The following TRPM6 variants were observed in gnomAD, a reference collection of about 807,000 sequenced individuals.
TRPM6 encodes the protein transient receptor potential cation channel subfamily M member 6.
TRPM6 carries 111 observed loss-of-function variants against 247.6 expected under a neutral mutation model. The ratio of observed to expected loss-of-function variants is 0.45; its 90% CI spans 0.38 to 0.52. The LOEUF (loss-of-function observed/expected upper bound fraction) is 0.52, where lower values mean the gene tolerates loss of function less well. TRPM6 is among the 20% of genes least tolerant of loss of function. The pLI, the probability that TRPM6 is intolerant of heterozygous loss-of-function variation, is 0.00. For synonymous variants in TRPM6, 892 were observed against 853.8 expected (o/e 1.04, Z -0.78); for missense variants, 2,126 against 2,421.5 (o/e 0.88, Z 2.56).
chr9:74,780,096 C>T (rs988381432), intron 23 of TRPM6, among the ~76,000 whole-genome samples: 7 of 151,196 alleles, frequency 4.6e-5, no homozygotes, highest in Non-Finnish European at 7.4e-5. Context: ...CACTTGAACC[C>T]GGGAGGCAAA....
chr9:74,766,318 C>T (rs536267069), intron 25 of TRPM6, among the ~76,000 whole-genome samples: 5 of 152,292 alleles, frequency 3.3e-5, no homozygotes, highest in African/African-American at 7.2e-5. Flanking sequence ...GGACCACCAA[C>T]GACATTAATT....
intron 3 of TRPM6, among the ~76,000 whole-genome samples, chr9:74,843,721 G>A (rs531847357): frequency 7.3e-5 from 11 of 151,598 alleles, no homozygotes; most frequent in Non-Finnish European, 1.6e-4. Context: ...AGGCTGAGAC[G>A]GGAAAATGGC....
intron 23 of TRPM6, among the ~76,000 whole-genome samples, chr9:74,777,586 T>C (rs1376951414): frequency 1.3e-5 from 2 of 152,208 alleles, no homozygotes; most frequent in African/African-American, 4.8e-5. Context: ...TCAATGTTTC[T>C]ACCACACTAT....
chr9:74,837,458 T>G (rs1012565088), intron 5 of TRPM6, among the ~76,000 whole-genome samples: 4 of 152,080 alleles, frequency 2.6e-5, no homozygotes, highest in Non-Finnish European at 5.9e-5. Flanking sequence ...GTTTTCTTTT[T>G]TTTTTTTGAG....
intron 3 of TRPM6, among the ~76,000 whole-genome samples, chr9:74,846,737 CAG>C (rs1261006231): frequency 1.3e-5 from 2 of 152,024 alleles, no homozygotes; most frequent in African/African-American, 4.8e-5. Flanking sequence ...TTAGTAGAGA[CAG>C]GGTTTCACCA....
At chr9:74,770,555 T>A (rs1186579071) in intron 25 of TRPM6, among the ~76,000 whole-genome samples, 1 of 152,088 alleles carries the variant, frequency 6.6e-6, no homozygotes. Context: ...TCCTCAAACT[T>A]CTGAATGTCC....
chr9:74,838,040 G>GT (rs563100895), intron 5 of TRPM6, among the ~76,000 whole-genome samples: 53 of 152,230 alleles, frequency 3.5e-4, no homozygotes, highest in African/African-American at 1.2e-3. Context: ...ATGAACCACT[G>GT]TATCTGGCCT....
In TRPM6 at chr9:74,724,328, G is replaced by T; in HGVS notation, c.*285C>A. 2.1e-6 allele frequency: 1 copy of T among 473,776 alleles called. No homozygotes were observed. Among genetic ancestry groups the T allele is most frequent in the Admixed American group, 3.3e-5 (1 of 29,976 alleles). 29.3% of individuals were successfully genotyped at this position (473,776 alleles called of 1,614,324 possible). A position where few individuals can be genotyped will look rare whatever the true frequency, so the allele number is the denominator to read the frequency against. ...TCTGCTCCAAAGTTCCAAGTGACCA[G>T]CTAAAGCAATGAGGTACACAAGAAC... On this transcript the variant is annotated 3_prime_UTR_variant, in exon 39 of 39. Coordinates refer to ENST00000360774, the MANE Select transcript of TRPM6 (RefSeq NM_017662.5).
At chr9:74,750,838 TG>T (rs1826220951) in intron 29 of TRPM6, 116 bp from the exon 30 acceptor site, 5 of 911,992 alleles carry the variant, frequency 5.5e-6, no homozygotes, top group Non-Finnish European at 9.1e-6. Context: ...TTCATCTACC[TG>T]AATATTCTTC....
chr9:74,810,216 G>C (rs1004446214), intron 13 of TRPM6, among the ~76,000 whole-genome samples: 15 of 152,136 alleles, frequency 9.9e-5, no homozygotes, highest in Admixed American at 5.2e-4. Context: ...AAAAGAAACT[G>C]AGGTATAAAA....
intron 35 of TRPM6, among the ~76,000 whole-genome samples, chr9:74,738,815 G>T (rs1188627063): frequency 6.6e-6 from 1 of 152,100 alleles, no homozygotes; most frequent in South Asian, 2.1e-4. Flanking sequence ...CCTTTGCTTT[G>T]AGGTAACTTT....
chr9:74,736,256 G>A (rs1825689511), intron 36 of TRPM6, among the ~76,000 whole-genome samples: 1 of 152,126 alleles, frequency 6.6e-6, no homozygotes, highest in Non-Finnish European at 1.5e-5. Context: ...TCCGTGTTAT[G>A]CAGCTAATTC....
rs367752379 is a variant in TRPM6, at chr9:74,800,656, C to T, written c.2010-174G>A. On this transcript the variant is annotated intron_variant, in intron 16 of 38. Coordinates refer to ENST00000360774, the MANE Select transcript of TRPM6 (RefSeq NM_017662.5). ...AAAAGCCAACAACACCAAACAGCAA[C>T]TTAATAATCTTAGTTTCCAGAAACT... Among the ~76,000 whole-genome samples the T allele has an allele frequency of 1.7e-4, 26 of 148,736 alleles. No homozygotes were observed. The East Asian group carries it at 4.5e-3, about 26-fold the overall frequency.
chr9:74,829,465 A>C (rs2118077452), intron 6 of TRPM6, among the ~76,000 whole-genome samples: 1 of 152,336 alleles, frequency 6.6e-6, no homozygotes, highest in African/African-American at 2.4e-5. Flanking sequence ...GCCCAAGTTT[A>C]AGTCAAGGCT....
At chr9:74,853,974 T>C (rs926053918) in intron 3 of TRPM6, among the ~76,000 whole-genome samples, 3 of 152,140 alleles carry the variant, frequency 2.0e-5, no homozygotes, top group African/African-American at 7.2e-5. Flanking sequence ...TCAAGACATA[T>C]ATTACAAAAC....
At chr9:74,752,245 G>T in intron 29 of TRPM6, 32 bp downstream of exon 29, 1 of 1,312,866 alleles carries the variant, frequency 7.6e-7, no homozygotes, top group Non-Finnish European at 1.1e-6. Context: ...ATGCTCGAAT[G>T]CTTTTTTTTT....
In TRPM6 at chr9:74,850,457, C is replaced by T. The variant is rs141901428; in HGVS notation, c.152+5070G>A. On this transcript the variant is annotated intron_variant, in intron 3 of 38. Coordinates refer to ENST00000360774, the MANE Select transcript of TRPM6 (RefSeq NM_017662.5). ...ACGTAAGGCCGGGCGCGGTGGCTCA[C>T]GCCTGTATTCCCACCACTTTGGGAG... Among the ~76,000 whole-genome samples, 1,000 of 151,916 alleles carry T rather than the reference C, an allele frequency of 6.6e-3. 13 individuals are homozygous for T. Among genetic ancestry groups the T allele is most frequent in the African/African-American group, 0.023 (939 of 41,502 alleles).
At chr9:74,804,026 G>A (rs559145094) in intron 14 of TRPM6, 140 bp from the exon 15 acceptor site, 14 of 697,484 alleles carry the variant, frequency 2.0e-5, no homozygotes, top group Non-Finnish European at 3.6e-5. Flanking sequence ...ATAATGTTGT[G>A]TCCTACCAAA....
intron 13 of TRPM6, 151 bp downstream of exon 13, chr9:74,810,664 G>T: frequency 2.7e-6 from 2 of 731,148 alleles, no homozygotes; most frequent in Non-Finnish European, 5.0e-6. Flanking sequence ...AATGTGGTTT[G>T]TTGATGAACT....
Sources: gnomAD v4.1 joint callset for allele counts (sites outside exome capture counted in the v4.1 genomes callset) on GRCh38, gnomAD v4.1.1 for gene constraint, MANE v1.5 for transcripts, NCBI Gene and HGNC (gene_info 2026-07-23, HGNC 2026-07-21) for gene names.